PARP6: variants seen among roughly 807,000 people sequenced by gnomAD.
PARP6 encodes protein mono-ADP-ribosyltransferase PARP6.
PARP6 carries 27 observed loss-of-function variants against 92.0 expected under a neutral mutation model. The observed-to-expected ratio is 0.29, with a 90% CI of 0.22 to 0.40. The LOEUF (loss-of-function observed/expected upper bound fraction) is 0.40. Among genes scored for constraint, PARP6 ranks in the 10% least tolerant of loss-of-function variants. The probability of loss-of-function intolerance (pLI) is 1.00; values close to 1 mark genes in which losing one functional copy is unlikely to be tolerated. For missense variants in PARP6, 501 were observed against 784.5 expected (o/e 0.64, Z 4.32); for synonymous variants, 272 against 281.2 (o/e 0.97, Z 0.33).
intron 1 of PARP6, among the ~76,000 whole-genome samples, chr15:72,271,844 A>T (rs2087481660): frequency 6.6e-6 from 1 of 152,250 alleles, no homozygotes; most frequent in East Asian, 1.9e-4. Context: ...AGAACGCTTT[A>T]TGAGTTTCCA....
intron 13 of PARP6, 126 bp downstream of exon 13, chr15:72,257,222 A>C: frequency 1.5e-6 from 1 of 677,008 alleles, no homozygotes; most frequent in East Asian, 2.6e-5. Flanking sequence ...TTATTTTACA[A>C]ACAATACTAC....
intron 20 of PARP6, chr15:72,244,646 C>T (rs914704353): frequency 6.6e-6 from 1 of 152,188 alleles, no homozygotes; most frequent in Non-Finnish European, 1.5e-5. Flanking sequence ...AGCAGAATAG[C>T]GTAGAAGAAA....
chr15:72,256,900 C>A (rs2085214014), intron 13 of PARP6, among the ~76,000 whole-genome samples: 1 of 152,050 alleles, frequency 6.6e-6, no homozygotes, highest in South Asian at 2.1e-4. Context: ...TTTAAAGAGA[C>A]AGGGGCTCAC....
Position 72,250,047 on chromosome 15 carries a change from C to G in PARP6, c.1464G>C (p.Leu488=). The change falls in exon 19 of 24, where the codon CTG becomes CTC. Residue 488 remains leucine, a synonymous_variant. Transcript: ENST00000569795. The part of the protein sequence containing the change: ...ENWHSILRNG[L]VNASYTKLQL... ...GCAGTTTGGTGTAGGATGCATTGACCAGCCCATTGCGCAGGATCGAATGCC... is the reference window on the plus strand; with the variant it reads ...GCAGTTTGGTGTAGGATGCATTGACGAGCCCATTGCGCAGGATCGAATGCC... 1 of 1,611,442 alleles carries G rather than the reference C, an allele frequency of 6.2e-7. No individual in the cohort carries two copies. Among genetic ancestry groups the G allele is most frequent in the Non-Finnish European group, 8.5e-7 (1 of 1,177,560 alleles).
Position 72,265,493 on chromosome 15 carries a change from A to C in PARP6, c.177-20T>G. ...TATTCTCTATAGAGATACAGGTGAC[A>C]ACAGGTGAGACTCATTAAGGGAGAA... On this transcript the variant is annotated intron_variant, in intron 5 of 23. Coordinates refer to ENST00000569795, the MANE Select transcript of PARP6 (RefSeq NM_001323532.2). 6.3e-7 allele frequency: 1 copy of C among 1,583,974 alleles called. No homozygotes were observed. The highest frequency in any genetic ancestry group is 8.7e-7 in the Non-Finnish European group (1 of 1,152,380).
chr15:72,255,177 TAAAAAAAA>T (rs890330239), intron 14 of PARP6, among the ~76,000 whole-genome samples: 2 of 149,942 alleles, frequency 1.3e-5, no homozygotes, highest in Non-Finnish European at 3.0e-5. Flanking sequence ...GGATTTGAAC[TAAAAAAAA>T]AATTGGCTCT....
In PARP6 at chr15:72,242,611, T is replaced by A. The variant is rs1359545723; in HGVS notation, c.1641+9A>T. ...GAAAGGTCCTGCCTCATTAGAATAGTTCCAATACCTGGGGGATGGTATTCA... is the reference window on the plus strand; with the variant it reads ...GAAAGGTCCTGCCTCATTAGAATAGATCCAATACCTGGGGGATGGTATTCA... On this transcript the variant is annotated intron_variant, in intron 21 of 23. Transcript: ENST00000569795. The surrounding 1 kb of genome is among the most constrained non-coding windows in gnomAD (Gnocchi z 4.3). The A allele has an allele frequency of 1.3e-6, 2 of 1,576,942 alleles. No individual in the cohort carries two copies. Among genetic ancestry groups the A allele is most frequent in the Admixed American group, 3.3e-5 (2 of 59,950 alleles).
chr15:72,249,871 C>G lies in PARP6; in HGVS notation c.1491+149G>C, dbSNP rs1049616350. On this transcript the variant is annotated intron_variant, in intron 19 of 23. Transcript: ENST00000569795. ...ACAACAGCCACGTTCTCTATTCATA[C>G]AGTTCTAACTTCCTCTCTAGGGAAC... is the stretch of plus-strand genomic sequence containing the variant. The G allele has an allele frequency of 6.6e-6, 4 of 603,220 alleles. No individual in the cohort carries two copies. The African/African-American group carries it at 7.4e-5, about 11-fold the overall frequency. 37.4% of individuals were successfully genotyped at this position (603,220 alleles called of 1,614,324 possible).
At chr15:72,254,561 A>C in intron 14 of PARP6, 41 bp from the exon 15 acceptor site, 1 of 1,477,860 alleles carries the variant, frequency 6.8e-7, no homozygotes, top group Non-Finnish European at 9.4e-7. Context: ...AAATAAAGAA[A>C]AGTAGAGGAA....
chr15:72,250,866 T>C lies in PARP6; in HGVS notation c.1397A>G (p.Tyr466Cys). The C allele has an allele frequency of 6.7e-7, 1 of 1,481,550 alleles. No homozygotes were observed. The highest frequency in any genetic ancestry group is 9.1e-7 in the Non-Finnish European group (1 of 1,095,460). The allele number at this position is 1,481,550 out of a possible 1,614,324, so 91.8% of individuals were successfully genotyped here. Residue 466 changes from tyrosine to cysteine, a missense_variant, in exon 18 of 24, where the codon TAT (tyrosine) becomes TGT (cysteine). Around this residue, in one of 4 missense-constraint regions of PARP6, gnomAD observed 191 missense variants for 399.1 expected, o/e 0.48. Coordinates refer to ENST00000569795, the MANE Select transcript of PARP6 (RefSeq NM_001323532.2). ...TCACTGGAAGGCAAAGGTGCTGCCATAGAGCTTCTTGGCGGTCCGGAACCG... is the reference window on the plus strand; with the variant it reads ...TCACTGGAAGGCAAAGGTGCTGCCACAGAGCTTCTTGGCGGTCCGGAACCG... ...EARFRTAKKLYGSTFAFHGSH... is the reference protein window; with the variant it reads ...EARFRTAKKLCGSTFAFHGSH...
At chr15:72,247,436 G>A (rs1348186935) in intron 20 of PARP6, among the ~76,000 whole-genome samples, 3 of 152,116 alleles carry the variant, frequency 2.0e-5, no homozygotes, top group Admixed American at 6.5e-5. Flanking sequence ...GCCTCCCAGT[G>A]TTGGGATTAC....
intron 7 of PARP6, among the ~76,000 whole-genome samples, chr15:72,264,823 T>G (rs1318435065): frequency 2.0e-5 from 3 of 152,092 alleles, no homozygotes; most frequent in Non-Finnish European, 4.4e-5. Flanking sequence ...CTCAGGAGGA[T>G]GTTGAGAAAA....
At chr15:72,260,906 T>G (rs1406852007) in intron 9 of PARP6, among the ~76,000 whole-genome samples, 1 of 152,196 alleles carries the variant, frequency 6.6e-6, no homozygotes, top group Non-Finnish European at 1.5e-5. Context: ...TTCTTCACAT[T>G]GGGACACTGA....
In PARP6 at chr15:72,242,001, C is replaced by T; in HGVS notation, c.1706-16G>A. 6.3e-7 allele frequency: 1 copy of T among 1,591,258 alleles called. No individual in the cohort carries two copies. The highest frequency in any genetic ancestry group is 8.6e-7 in the Non-Finnish European group (1 of 1,159,264). On this transcript the variant is annotated splice_polypyrimidine_tract_variant and intron_variant, in intron 22 of 23. Coordinates refer to ENST00000569795, the MANE Select transcript of PARP6 (RefSeq NM_001323532.2). This position sits in a 1 kb window ranked among gnomAD's most constrained non-coding sequence, Gnocchi z 4.3. ...GATGTAATCACTGGGAGAAAGAGGG[C>T]CAGAAATCATAGATACAATGCTTAA...
rs374547939 is a variant in PARP6, at chr15:72,258,683, A to G, written c.811-551T>C. Among the ~76,000 whole-genome samples the G allele has an allele frequency of 4.5e-4, 68 of 152,350 alleles. 1 individual carries two copies. Among genetic ancestry groups the G allele is most frequent in the African/African-American group, 1.6e-3 (67 of 41,572 alleles). On this transcript the variant is annotated intron_variant, in intron 11 of 23. Transcript: ENST00000569795. Reference sequence around the variant, plus strand: ...CTACAGACAATTCTGTGCTAGGAAGATAGGAAAATCCAGAGCTAATGCAGC... The same window carrying G: ...CTACAGACAATTCTGTGCTAGGAAGGTAGGAAAATCCAGAGCTAATGCAGC...
chr15:72,243,125 G>A, intron 20 of PARP6: 1 of 163,404 alleles, frequency 6.1e-6, no homozygotes, highest in South Asian at 1.7e-4. Context: ...GCAGAGGAGT[G>A]GTGAGAAATG....
intron 20 of PARP6, among the ~76,000 whole-genome samples, chr15:72,246,155 G>A (rs1418414483): frequency 6.6e-6 from 1 of 152,136 alleles, no homozygotes; most frequent in South Asian, 2.1e-4. Flanking sequence ...TTATTGTTTT[G>A]TTTTGTTTTT....
At chr15:72,250,992 G>A in intron 17 of PARP6, 38 bp from the exon 18 acceptor site, 2 of 1,471,900 alleles carry the variant, frequency 1.4e-6, no homozygotes, top group Middle Eastern at 1.7e-4. Context: ...GGAAAACAGA[G>A]CAGAAATCGA....
chr15:72,267,230 CT>C (rs59781834), intron 3 of PARP6: 1 of 582,986 alleles, frequency 1.7e-6, no homozygotes, highest in African/African-American at 1.9e-5. Context: ...CCTAAACTCT[CT>C]TGTCTCATTA....
Sources: gnomAD v4.1 joint callset for allele counts (sites outside exome capture counted in the v4.1 genomes callset) on GRCh38, gnomAD v4.1.1 for gene constraint, gnomAD v4.1.1 regional missense constraint, Gnocchi (gnomAD v3.1) non-coding constraint, MANE v1.5 for transcripts, NCBI Gene and HGNC (gene_info 2026-07-23, HGNC 2026-07-21) for gene names.